The following ATP2B2 variants were observed in gnomAD, a reference collection of about 807,000 sequenced individuals.
ATP2B2 encodes the protein ATPase plasma membrane Ca2+ transporting 2, also known as plasma membrane calcium-transporting ATPase 2.
In ATP2B2, 15 loss-of-function variants were observed where a neutral mutation model predicts 120.0. The observed-to-expected ratio is 0.12, with a 90% CI of 0.08 to 0.19. The LOEUF (loss-of-function observed/expected upper bound fraction) is 0.19, where lower values mean the gene tolerates loss of function less well. Among genes scored for constraint, ATP2B2 ranks in the 10% least tolerant of loss-of-function variants. The probability of loss-of-function intolerance (pLI) is 1.00; values close to 1 mark genes in which losing one functional copy is unlikely to be tolerated. For missense variants in ATP2B2, 1,045 were observed against 1,719.8 expected (o/e 0.61, Z 6.94); for synonymous variants, 694 against 700.3 (o/e 0.99, Z 0.14).
At chr3:10,441,605 C>T (rs2063669902) in intron 2 of ATP2B2, among the ~76,000 whole-genome samples, 1 of 152,224 alleles carries the variant, frequency 6.6e-6, no homozygotes, top group Non-Finnish European at 1.5e-5. Context: ...CGGCCCTGTC[C>T]CCATCTGCCC....
chr3:10,654,790 A>C (rs1575595874), intron 1 of ATP2B2, among the ~76,000 whole-genome samples: 2 of 151,696 alleles, frequency 1.3e-5, no homozygotes, highest in South Asian at 2.1e-4. Flanking sequence ...AAAAAAAAAA[A>C]AAAACGCAGA....
At chr3:10,350,649 A>G (rs1445197332) in intron 14 of ATP2B2, 72 bp from the exon 15 acceptor site, 5 of 1,526,832 alleles carry the variant, frequency 3.3e-6, no homozygotes, top group Non-Finnish European at 4.5e-6. Context: ...CATGGATTCC[A>G]GAGGAGCCCT....
intron 2 of ATP2B2, among the ~76,000 whole-genome samples, chr3:10,609,306 C>A (rs1400752944): frequency 6.6e-6 from 1 of 151,762 alleles, no homozygotes; most frequent in Non-Finnish European, 1.5e-5. Flanking sequence ...GGAACTCTGG[C>A]TGCCAGCAGC....
At chr3:10,542,308 C>T (rs992349895) in intron 2 of ATP2B2, among the ~76,000 whole-genome samples, 1 of 152,054 alleles carries the variant, frequency 6.6e-6, no homozygotes, top group African/African-American at 2.4e-5. Flanking sequence ...TCTGTTTGTT[C>T]TTTCTGTATA....
chr3:10,459,012 G>A (rs1241729638), intron 1 of ATP2B2, among the ~76,000 whole-genome samples: 3 of 152,214 alleles, frequency 2.0e-5, no homozygotes, highest in African/African-American at 7.2e-5. Context: ...TGCTTCTTGG[G>A]TCATGCACAG....
intron 2 of ATP2B2, among the ~76,000 whole-genome samples, chr3:10,552,493 C>T (rs979791930): frequency 6.6e-6 from 1 of 152,240 alleles, no homozygotes; most frequent in Admixed American, 6.5e-5. Flanking sequence ...CACACAAACA[C>T]GTTCAAAGTC....
chr3:10,431,054 G>C (rs1447295204), intron 2 of ATP2B2, among the ~76,000 whole-genome samples: 1 of 152,082 alleles, frequency 6.6e-6, no homozygotes, highest in Non-Finnish European at 1.5e-5. Flanking sequence ...GAAGATATGA[G>C]TGAATTGCTG....
At chr3:10,564,895 C>T (rs115970590) in intron 2 of ATP2B2, among the ~76,000 whole-genome samples, 1 of 152,340 alleles carries the variant, frequency 6.6e-6, no homozygotes, top group African/African-American at 2.4e-5. Context: ...TGAGAGTTGT[C>T]TGGGTACACG....
chr3:10,324,575 G>T lies in ATP2B2; in HGVS notation c.*4239C>A, dbSNP rs1217477666. On this transcript the variant is annotated 3_prime_UTR_variant, in exon 23 of 23. Transcript: ENST00000360273. ...CTTCAAGAAACGCTCTTCCCTACAA[G>T]AGCCTCTAATGGTGGGATTTTGGAC... is the stretch of plus-strand genomic sequence containing the variant. The T allele has an allele frequency of 2.0e-5, 3 of 152,212 alleles. No individual in the cohort carries two copies. Among genetic ancestry groups the T allele is most frequent in the Non-Finnish European group, 4.4e-5 (3 of 68,050 alleles). 9.4% of individuals were successfully genotyped at this position (152,212 alleles called of 1,614,324 possible). A position where few individuals can be genotyped will look rare whatever the true frequency, so the allele number is the denominator to read the frequency against.
Position 10,375,664 on chromosome 3 carries a change from T to G in ATP2B2, c.1202-20A>C. The G allele has an allele frequency of 2.5e-6, 4 of 1,608,628 alleles. No homozygotes were observed. Among genetic ancestry groups the G allele is most frequent in the Non-Finnish European group, 3.4e-6 (4 of 1,175,840 alleles). On this transcript the variant is annotated intron_variant, in intron 10 of 22. Transcript: ENST00000360273. This position sits in a 1 kb window ranked among gnomAD's most constrained non-coding sequence, Gnocchi z 4.2. ...CCAAGCCTGCAATGTGAGGGACACA[T>G]GCTTGGGGGGTTCCAGGAAGTGGAG...
intron 1 of ATP2B2, among the ~76,000 whole-genome samples, chr3:10,473,070 G>A (rs2125291418): frequency 6.6e-6 from 1 of 152,290 alleles, no homozygotes; most frequent in East Asian, 1.9e-4. Flanking sequence ...TCATCTCCAT[G>A]TCTGTGTCTC....
At chr3:10,661,611 A>C (rs1454125295) in intron 1 of ATP2B2, among the ~76,000 whole-genome samples, 2 of 152,266 alleles carry the variant, frequency 1.3e-5, no homozygotes, top group Non-Finnish European at 2.9e-5. Context: ...GACACAAACA[A>C]ATGGAAGAAC....
In ATP2B2 at chr3:10,454,847, G is replaced by GTCCTGTTCAGCC; in HGVS notation, c.-319-4997_-319-4986dup. Among the ~76,000 whole-genome samples, 3 of 152,290 alleles carry GTCCTGTTCAGCC rather than the reference G, an allele frequency of 2.0e-5. No individual in the cohort carries two copies. In the South Asian group the frequency reaches 6.2e-4, roughly 32 times the overall value. ...GGCCTTTGCCTCCCTAACAGCTGCT[G>GTCCTGTTCAGCC]TCCTGTTCAGCCTCAGTTTCCCTTC... On this transcript the variant is annotated intron_variant, in intron 1 of 22. Transcript: ENST00000360273.
Position 10,388,260 on chromosome 3 carries a change from AAGGGGATT to A in ATP2B2, c.907+9_907+16del. 6.2e-7 allele frequency: 1 copy of A among 1,614,118 alleles called. No homozygotes were observed. Among genetic ancestry groups the A allele is most frequent in the African/African-American group, 1.3e-5 (1 of 75,024 alleles). On this transcript the variant is annotated intron_variant, in intron 6 of 22. Transcript: ENST00000360273. ...CTTAAGAGCTCCTCTCCTGGTCTGC[AAGGGGATT>A]AGGCTTACCTTTTTTGTCTTTCTTC...
chr3:10,597,718 T>C (rs1281447769), intron 2 of ATP2B2, among the ~76,000 whole-genome samples: 4 of 152,248 alleles, frequency 2.6e-5, no homozygotes, highest in African/African-American at 9.6e-5. Flanking sequence ...CAAAGCTCTG[T>C]GCCTCAGTTT....
intron 1 of ATP2B2, among the ~76,000 whole-genome samples, chr3:10,684,590 A>G (rs1028668626): frequency 6.6e-6 from 1 of 152,246 alleles, no homozygotes; most frequent in African/African-American, 2.4e-5. Context: ...TGCCACTGAT[A>G]TGCTATCTGT....
At chr3:10,577,656 G>A (rs531466795) in intron 2 of ATP2B2, among the ~76,000 whole-genome samples, 8 of 152,204 alleles carry the variant, frequency 5.3e-5, no homozygotes, top group African/African-American at 1.9e-4. Flanking sequence ...AGAAGGCCCT[G>A]GGCTGCACAA....
At chr3:10,660,319 T>G (rs2070746218) in intron 1 of ATP2B2, among the ~76,000 whole-genome samples, 1 of 152,082 alleles carries the variant, frequency 6.6e-6, no homozygotes, top group Non-Finnish European at 1.5e-5. Flanking sequence ...GCTGTTTTTT[T>G]GAAAAGATCA....
At chr3:10,606,898 C>CACACAG (rs1399414028) in intron 2 of ATP2B2, among the ~76,000 whole-genome samples, 4 of 29,994 alleles carry the variant, frequency 1.3e-4, no homozygotes, top group Non-Finnish European at 2.3e-4. Flanking sequence ...CACACACACA[C>CACACAG]ACACACACAC....
Sources: gnomAD v4.1 joint callset for allele counts (sites outside exome capture counted in the v4.1 genomes callset) on GRCh38, gnomAD v4.1.1 for gene constraint, Gnocchi (gnomAD v3.1) non-coding constraint, MANE v1.5 for transcripts, NCBI Gene and HGNC (gene_info 2026-07-23, HGNC 2026-07-21) for gene names.